TMTC4: variants seen among roughly 807,000 people sequenced by gnomAD.
TMTC4 encodes protein O-mannosyl-transferase TMTC4.
Under a neutral mutation model 86.0 loss-of-function variants are expected in TMTC4, and 65 were observed. The observed-to-expected ratio is 0.76, with a 90% CI of 0.62 to 0.93. TMTC4 has a LOEUF of 0.93. Among genes scored for constraint, TMTC4 ranks in the 40% least tolerant of loss-of-function variants. The pLI is 0.00. For missense variants in TMTC4, 866 were observed against 948.1 expected (o/e 0.91, Z 1.14); for synonymous variants, 379 against 382.5 (o/e 0.99, Z 0.11).
intron 4 of TMTC4, 97 bp downstream of exon 4, chr13:100,664,124 A>G (rs1283208): frequency 0.35 from 371,754 of 1,050,444 alleles, 68,549 homozygotes; most frequent in East Asian, 0.61. Flanking sequence ...CACTGACTAG[A>G]CTCCTGAATG....
intron 3 of TMTC4, among the ~76,000 whole-genome samples, chr13:100,665,542 G>A (rs750075353): frequency 2.0e-5 from 3 of 152,230 alleles, no homozygotes; most frequent in Non-Finnish European, 2.9e-5. Context: ...GAGACTGCCT[G>A]GCTGCCTCTG....
At chr13:100,661,297 G>C (rs1457055480) in intron 5 of TMTC4, among the ~76,000 whole-genome samples, 1 of 151,960 alleles carries the variant, frequency 6.6e-6, no homozygotes, top group Non-Finnish European at 1.5e-5. Flanking sequence ...ATGTGTGCGT[G>C]TGAGTGTGTA....
chr13:100,656,107 C>T (rs1885077551), intron 6 of TMTC4, among the ~76,000 whole-genome samples: 1 of 152,216 alleles, frequency 6.6e-6, no homozygotes, highest in South Asian at 2.1e-4. Flanking sequence ...AATAAAATGG[C>T]AAAACTCAAT....
At chr13:100,667,076 C>T (rs1886479712) in intron 3 of TMTC4, among the ~76,000 whole-genome samples, 1 of 152,158 alleles carries the variant, frequency 6.6e-6, no homozygotes, top group Non-Finnish European at 1.5e-5. Context: ...AGAACTGAAA[C>T]AGAATCATCT....
intron 5 of TMTC4, among the ~76,000 whole-genome samples, chr13:100,656,790 C>T (rs575638721): frequency 7.0e-4 from 107 of 152,206 alleles, no homozygotes; most frequent in Non-Finnish European, 1.4e-3. Context: ...GTGATCCACC[C>T]ACCTCTGCTT....
chr13:100,617,468 A>C (rs1471150750), intron 15 of TMTC4, among the ~76,000 whole-genome samples: 1 of 152,174 alleles, frequency 6.6e-6, no homozygotes, highest in Non-Finnish European at 1.5e-5. Flanking sequence ...GAGGTCTTGC[A>C]TTTAAATTTT....
intron 12 of TMTC4, 38 bp downstream of exon 12, chr13:100,634,767 A>C: frequency 6.2e-7 from 1 of 1,603,426 alleles, no homozygotes; most frequent in Non-Finnish European, 8.5e-7. Flanking sequence ...CAGATACCCT[A>C]GTAAGGTCCC....
chr13:100,623,645 G>GTTTT (rs58766408), intron 15 of TMTC4, among the ~76,000 whole-genome samples: 5 of 113,278 alleles, frequency 4.4e-5, no homozygotes, highest in African/African-American at 1.4e-4. Flanking sequence ...GTTGGGTTTT[G>GTTTT]TTTTTTTTTT....
chr13:100,673,203 C>A, intron 1 of TMTC4: 1 of 488,682 alleles, frequency 2.0e-6, no homozygotes, highest in Non-Finnish European at 2.7e-6. Context: ...CAAAAAGACC[C>A]CACACAGGGA....
intron 12 of TMTC4, among the ~76,000 whole-genome samples, chr13:100,628,015 G>C (rs1272158447): frequency 1.3e-5 from 2 of 152,214 alleles, no homozygotes; most frequent in African/African-American, 4.8e-5. Flanking sequence ...TGATAGGAGA[G>C]AGGGAAGAGT....
chr13:100,666,911 G>C (rs922158093), intron 3 of TMTC4, among the ~76,000 whole-genome samples: 1 of 152,226 alleles, frequency 6.6e-6, no homozygotes, highest in African/African-American at 2.4e-5. Flanking sequence ...GATGGCTTGA[G>C]CCCAGGCATC....
chr13:100,652,975 C>A (rs1005225469), intron 6 of TMTC4, among the ~76,000 whole-genome samples: 1 of 152,132 alleles, frequency 6.6e-6, no homozygotes, highest in Admixed American at 6.5e-5. Flanking sequence ...AATCAATAAG[C>A]CTTTATACTA....
intron 5 of TMTC4, 151 bp downstream of exon 5, chr13:100,662,813 C>A: frequency 1.3e-6 from 1 of 759,236 alleles, no homozygotes; most frequent in Non-Finnish European, 2.2e-6. Flanking sequence ...AGTGTCCTTT[C>A]TATTTCTAGA....
At chr13:100,662,532 A>C (rs1885907242) in intron 5 of TMTC4, among the ~76,000 whole-genome samples, 1 of 152,146 alleles carries the variant, frequency 6.6e-6, no homozygotes, top group South Asian at 2.1e-4. Flanking sequence ...TAAATCACAA[A>C]GCTGTCAGCG....
Position 100,668,618 on chromosome 13 carries a change from G to T in TMTC4, c.180C>A (p.Asp60Glu), listed in dbSNP as rs200448910. Reference sequence around the variant, plus strand: ...TAGCTTCTGAGTCATCAAAGACAAAGTCTCCATCATAGCTGCGTGCAAAAC... The same window carrying T: ...TAGCTTCTGAGTCATCAAAGACAAATTCTCCATCATAGCTGCGTGCAAAAC... Reference protein sequence around the residue: ...IVCFARSYDGDFVFDDSEAIV... With the variant: ...IVCFARSYDGEFVFDDSEAIV... Residue 60 changes from aspartate to glutamate, a missense_variant, in exon 3 of 19, where the codon GAC becomes GAA. Coordinates refer to ENST00000342624, the MANE Select transcript of TMTC4 (RefSeq NM_032813.5). 432 of 1,614,050 alleles carry T rather than the reference G, an allele frequency of 2.7e-4. 1 individual carries two copies. Among genetic ancestry groups the T allele is most frequent in the Non-Finnish European group, 3.6e-4 (421 of 1,180,048 alleles).
intron 17 of TMTC4, among the ~76,000 whole-genome samples, chr13:100,606,727 G>A (rs780357389): frequency 1.2e-4 from 18 of 152,312 alleles, no homozygotes; most frequent in Non-Finnish European, 2.5e-4. Context: ...GTCAGGGTGC[G>A]TGATGACGAC....
chr13:100,670,435 G>C lies in TMTC4; in HGVS notation c.-73C>G. 3 of 1,527,080 alleles carry C rather than the reference G, an allele frequency of 2.0e-6. No individual in the cohort carries two copies. Among genetic ancestry groups the C allele is most frequent in the Non-Finnish European group, 2.7e-6 (3 of 1,124,426 alleles). 94.6% of individuals were successfully genotyped at this position (1,527,080 alleles called of 1,614,324 possible). ...TTACAATCCAGAGATGAAACAGGCC[G>C]CAACTCTTCCACTGCTTGTCTCTCG... On this transcript the variant is annotated 5_prime_UTR_variant, in exon 2 of 19. Coordinates refer to ENST00000342624, the MANE Select transcript of TMTC4 (RefSeq NM_032813.5).
intron 1 of TMTC4, among the ~76,000 whole-genome samples, chr13:100,673,099 A>G (rs1355159452): frequency 1.3e-5 from 2 of 152,216 alleles, no homozygotes; most frequent in Admixed American, 1.3e-4. Flanking sequence ...TCTGGAACAA[A>G]GCAGACGTCC....
intron 12 of TMTC4, among the ~76,000 whole-genome samples, chr13:100,627,500 G>A (rs1263743082): frequency 2.6e-5 from 4 of 152,026 alleles, no homozygotes; most frequent in East Asian, 1.9e-4. Flanking sequence ...CATAATTTCC[G>A]GCTTGCAGAT....
Sources: allele counts gnomAD v4.1 joint callset (sites outside exome capture counted in the v4.1 genomes callset), GRCh38; gene constraint gnomAD v4.1.1; transcripts MANE v1.5; gene names NCBI Gene and HGNC (gene_info 2026-07-23, HGNC 2026-07-21).